Variants in RNF216 observed in about 807,000 individuals in gnomAD.
The protein encoded by RNF216 is E3 ubiquitin-protein ligase RNF216.
RNF216 carries 72 observed loss-of-function variants against 110.8 expected under a neutral mutation model. The ratio of observed to expected loss-of-function variants is 0.65; its 90% confidence interval spans 0.54 to 0.79. The LOEUF is 0.79. Ranked by LOEUF, RNF216 falls within the 30% of genes least tolerant of loss-of-function variation. The pLI, the probability that RNF216 is intolerant of heterozygous loss-of-function variation, is 0.00. For synonymous variants in RNF216, 495 were observed against 407.5 expected, an observed-to-expected ratio of 1.21 and a Z score of -2.59; for missense variants, 1,342 against 1,141.2, an observed-to-expected ratio of 1.18 and a Z score of -2.54.
At chr7:5,760,635 C>T in intron 2 of RNF216, 1 of 308,044 alleles carries the variant, frequency 3.2e-6, no homozygotes, top group Non-Finnish European at 6.2e-6. Context: ...CATGGGAAGA[C>T]AAGACTGGTT....
intron 3 of RNF216, among the ~76,000 whole-genome samples, chr7:5,745,281 AC>A (rs1465438963): frequency 9.2e-5 from 14 of 152,234 alleles, no homozygotes; most frequent in African/African-American, 3.4e-4. Context: ...ACAGAATCCT[AC>A]ATTCACTTCT....
At chr7:5,625,786 T>G (rs1395415759) in intron 15 of RNF216, among the ~76,000 whole-genome samples, 1 of 152,180 alleles carries the variant, frequency 6.6e-6, no homozygotes, top group African/African-American at 2.4e-5. Context: ...ATTCCCTTGG[T>G]TTGGTAGATG....
chr7:5,653,582 C>T (rs1293141517), intron 13 of RNF216, among the ~76,000 whole-genome samples: 3 of 100,766 alleles, frequency 3.0e-5, no homozygotes, highest in African/African-American at 1.2e-4. Context: ...GCCTGGGCGA[C>T]AGAGCAAGAC....
At chr7:5,705,784 G>A (rs1017125736) in intron 13 of RNF216, among the ~76,000 whole-genome samples, 2 of 152,018 alleles carry the variant, frequency 1.3e-5, no homozygotes, top group Non-Finnish European at 2.9e-5. Flanking sequence ...GCACATGCAG[G>A]TAATCACAGC....
intron 2 of RNF216, among the ~76,000 whole-genome samples, chr7:5,760,152 CATGTAAGA>C (rs1795856165): frequency 6.6e-6 from 1 of 152,134 alleles, no homozygotes; most frequent in South Asian, 2.1e-4. Flanking sequence ...ATTTCACAAA[CATGTAAGA>C]ATGTTACAGA....
intron 15 of RNF216, among the ~76,000 whole-genome samples, chr7:5,637,687 G>A (rs142465556): frequency 7.9e-5 from 12 of 152,080 alleles, no homozygotes; most frequent in East Asian, 1.9e-4. Flanking sequence ...AGGTGTGCAC[G>A]CACCACCACC....
At chr7:5,693,528 G>GA (rs1202490730) in intron 13 of RNF216, among the ~76,000 whole-genome samples, 1 of 152,178 alleles carries the variant, frequency 6.6e-6, no homozygotes, top group Non-Finnish European at 1.5e-5. Flanking sequence ...TTTGAGGAAG[G>GA]AAAGAGCAGG....
chr7:5,643,061 A>T (rs537073403), intron 14 of RNF216, among the ~76,000 whole-genome samples: 5 of 152,314 alleles, frequency 3.3e-5, no homozygotes, highest in Admixed American at 1.3e-4. Flanking sequence ...GACATGAAAT[A>T]ATAATGGGTA....
chr7:5,781,071 G>A (rs180732938), intron 1 of RNF216, among the ~76,000 whole-genome samples: 49 of 152,312 alleles, frequency 3.2e-4, no homozygotes, highest in African/African-American at 1.2e-3. Flanking sequence ...CGCGGAACAC[G>A]CGCTCCAGAT....
chr7:5,671,580 G>A (rs757444399), intron 13 of RNF216, among the ~76,000 whole-genome samples: 13 of 152,164 alleles, frequency 8.5e-5, no homozygotes, highest in Admixed American at 1.3e-4. Flanking sequence ...CAAGGCGGGC[G>A]GATCAAGAGG....
At position 5,760,613 on chromosome 7, in the gene RNF216, G is replaced by T. The variant is rs1456157336; in HGVS notation, c.67+390C>A. ...TAAGCCAGAATCTTCTGGCAAAAAA[G>T]AAATTAAGCATCATGGGAAGACAAG... On this transcript the variant is annotated intron_variant, in intron 2 of 16. Coordinates refer to ENST00000389902, the MANE Select transcript of RNF216 (RefSeq NM_207111.4). The T allele has an allele frequency of 3.4e-5, 10 of 289,948 alleles. No homozygotes were observed. The Admixed American group carries it at 4.6e-4, about 13-fold the overall frequency. The allele number at this position is 289,948 out of a possible 1,614,324, so 18.0% of individuals were successfully genotyped here.
At chr7:5,633,456 T>C (rs1229451768) in intron 15 of RNF216, among the ~76,000 whole-genome samples, 1 of 151,960 alleles carries the variant, frequency 6.6e-6, no homozygotes, top group Non-Finnish European at 1.5e-5. Context: ...GCACCTGTAA[T>C]CCCAGCTACT....
At chr7:5,757,128 T>C (rs1562466583) in intron 2 of RNF216, among the ~76,000 whole-genome samples, 1 of 152,256 alleles carries the variant, frequency 6.6e-6, no homozygotes, top group Non-Finnish European at 1.5e-5. Context: ...TTGTTGACCA[T>C]GTTCTTCCAA....
At chr7:5,714,317 G>C (rs1386983403) in intron 11 of RNF216, among the ~76,000 whole-genome samples, 1 of 152,038 alleles carries the variant, frequency 6.6e-6, no homozygotes, top group Admixed American at 6.6e-5. Flanking sequence ...GGAGTGCAAT[G>C]GCACGATCTC....
intron 13 of RNF216, among the ~76,000 whole-genome samples, chr7:5,660,089 G>A (rs905661002): frequency 2.0e-5 from 3 of 150,728 alleles, no homozygotes; most frequent in Admixed American, 6.6e-5. Flanking sequence ...CGAGTAGCTC[G>A]GACTATGAAC....
intron 15 of RNF216, among the ~76,000 whole-genome samples, chr7:5,639,961 A>G (rs1787633464): frequency 6.6e-6 from 1 of 150,880 alleles, no homozygotes. Context: ...GGGTTTCGCC[A>G]TGTTAGCCAG....
intron 13 of RNF216, among the ~76,000 whole-genome samples, chr7:5,698,382 T>TACACACACAC (rs1301943842): frequency 1.4e-4 from 11 of 76,366 alleles, no homozygotes; most frequent in East Asian, 1.2e-3. Context: ...TAGATTCTTT[T>TACACACACAC]ATACACACAC....
chr7:5,630,849 C>T (rs1787025942), intron 15 of RNF216, among the ~76,000 whole-genome samples: 2 of 152,200 alleles, frequency 1.3e-5, no homozygotes, highest in South Asian at 2.1e-4. Flanking sequence ...TGCCACGCTG[C>T]AGATGAGGAA....
chr7:5,711,993 C>T (rs1792730621), intron 12 of RNF216, 154 bp from the exon 13 acceptor site: 6 of 637,634 alleles, frequency 9.4e-6, no homozygotes, highest in Non-Finnish European at 1.7e-5. Flanking sequence ...ACAGATTGAA[C>T]CTCTTCTTTG....
Sources: gnomAD v4.1 joint callset for allele counts (sites outside exome capture counted in the v4.1 genomes callset) on GRCh38, gnomAD v4.1.1 for gene constraint, MANE v1.5 for transcripts, NCBI Gene and HGNC (gene_info 2026-07-23, HGNC 2026-07-21) for gene names.